The following TMEM178B variants were observed in gnomAD, a reference collection of about 807,000 sequenced individuals.
The protein encoded by TMEM178B is transmembrane protein 178B.
TMEM178B carries 5 observed loss-of-function variants against 31.0 expected under a neutral mutation model. The observed-to-expected ratio is 0.16, with a 90% CI of 0.08 to 0.34. The LOEUF (loss-of-function observed/expected upper bound fraction) is 0.34, where lower values mean the gene tolerates loss of function less well. TMEM178B is among the 10% of genes least tolerant of loss of function. The pLI, the probability that TMEM178B is intolerant of heterozygous loss-of-function variation, is 1.00. For synonymous variants in TMEM178B, 164 were observed against 164.0 expected, an observed-to-expected ratio of 1.00 and a Z score of 0.00; for missense variants, 275 against 400.3, an observed-to-expected ratio of 0.69 and a Z score of 2.67.
chr7:141,177,850 G>A (rs977477127), intron 1 of TMEM178B, among the ~76,000 whole-genome samples: 1 of 152,026 alleles, frequency 6.6e-6, no homozygotes, highest in Non-Finnish European at 1.5e-5. Flanking sequence ...CACATGAGAT[G>A]GATCTCCTGA....
At chr7:141,184,349 T>G (rs914311829) in intron 1 of TMEM178B, among the ~76,000 whole-genome samples, 2 of 152,190 alleles carry the variant, frequency 1.3e-5, no homozygotes, top group African/African-American at 4.8e-5. Flanking sequence ...CTGTTACTCT[T>G]TAGGGACCCT....
At chr7:141,449,859 T>C (rs1054909005) in intron 3 of TMEM178B, among the ~76,000 whole-genome samples, 1 of 152,140 alleles carries the variant, frequency 6.6e-6, no homozygotes, top group African/African-American at 2.4e-5. Flanking sequence ...GTCTGTACAA[T>C]ACAGGGGCCT....
At chr7:141,175,710 TTC>T (rs926146471) in intron 1 of TMEM178B, among the ~76,000 whole-genome samples, 1 of 152,224 alleles carries the variant, frequency 6.6e-6, no homozygotes, top group African/African-American at 2.4e-5. Flanking sequence ...AGGTATTTTA[TTC>T]TTTTTGTAGC....
rs373659289 is a variant in TMEM178B at position 141,344,576 on chromosome 7, CT to C, written c.497-93030del. The stretch of plus-strand genomic sequence containing the variant: ...CCCTCCCTCCATTCCTCCCTCCTCC[CT>C]TCCTTCCTTCCTTCCTTCCTTCCTT... On this transcript the variant is annotated intron_variant, in intron 2 of 3. Transcript: ENST00000565468. The surrounding 1 kb of genome is among the most constrained non-coding windows in gnomAD (Gnocchi z 4.1). Among the ~76,000 whole-genome samples, 45 of 15,480 alleles carry C rather than the reference CT, an allele frequency of 2.9e-3. 1 individual carries two copies. Among genetic ancestry groups the C allele is most frequent in the African/African-American group, 7.3e-3 (39 of 5,342 alleles). The allele number at this position is 15,480 out of a possible 152,430, so 10.2% of individuals were successfully genotyped here.
chr7:141,239,570 T>G (rs1797584077), intron 2 of TMEM178B, among the ~76,000 whole-genome samples: 1 of 152,056 alleles, frequency 6.6e-6, no homozygotes, highest in Non-Finnish European at 1.5e-5. Flanking sequence ...CAGCCTCGAG[T>G]CTCAGCAGGG....
chr7:141,104,911 G>A (rs1301818488), intron 1 of TMEM178B, among the ~76,000 whole-genome samples: 4 of 152,172 alleles, frequency 2.6e-5, no homozygotes, highest in Non-Finnish European at 5.9e-5. Context: ...AGGTCTCTGG[G>A]GGTAGGGGTT....
chr7:141,141,798 A>G (rs138138495), intron 1 of TMEM178B, among the ~76,000 whole-genome samples: 11 of 152,362 alleles, frequency 7.2e-5, no homozygotes, highest in Middle Eastern at 3.4e-3. Context: ...ATAAAGTATT[A>G]AAGAAAAGTT....
At chr7:141,155,950 A>C (rs1462710492) in intron 1 of TMEM178B, among the ~76,000 whole-genome samples, 1 of 152,128 alleles carries the variant, frequency 6.6e-6, no homozygotes, top group Non-Finnish European at 1.5e-5. Context: ...CTGTAATCTC[A>C]ACTACTTGAG....
At chr7:141,145,818 G>A (rs1231449090) in intron 1 of TMEM178B, among the ~76,000 whole-genome samples, 1 of 152,200 alleles carries the variant, frequency 6.6e-6, no homozygotes, top group African/African-American at 2.4e-5. Context: ...GTGCTGAGCT[G>A]CTTGTCTTGT....
the TMEM178B span, among the ~76,000 whole-genome samples, chr7:141,506,796 C>G: frequency 1.3e-5 from 2 of 152,170 alleles, no homozygotes; most frequent in African/African-American, 4.8e-5. Flanking sequence ...CAAGGCAAGT[C>G]CCTTCCGCCT....
chr7:141,086,980 A>T (rs1479798460), intron 1 of TMEM178B, among the ~76,000 whole-genome samples: 1 of 152,108 alleles, frequency 6.6e-6, no homozygotes, highest in African/African-American at 2.4e-5. Flanking sequence ...GAGCCACCGC[A>T]TCTGGCCTGA....
intron 2 of TMEM178B, among the ~76,000 whole-genome samples, chr7:141,349,111 T>C (rs1799668272): frequency 6.6e-6 from 1 of 152,332 alleles, no homozygotes; most frequent in East Asian, 1.9e-4. Flanking sequence ...ATTGATATTG[T>C]TATTGGTTCA....
chr7:141,087,124 A>G (rs1229524884), intron 1 of TMEM178B, among the ~76,000 whole-genome samples: 1 of 152,196 alleles, frequency 6.6e-6, no homozygotes, highest in African/African-American at 2.4e-5. Context: ...TGTGTTGTTC[A>G]GTGTGCAGGA....
intron 2 of TMEM178B, among the ~76,000 whole-genome samples, chr7:141,260,763 C>T (rs1260848192): frequency 6.6e-6 from 1 of 152,056 alleles, no homozygotes; most frequent in Non-Finnish European, 1.5e-5. Context: ...AATCTAGATA[C>T]AGAGTAGAAA....
chr7:141,075,741 T>C (rs1232357378), intron 1 of TMEM178B, among the ~76,000 whole-genome samples: 5 of 152,242 alleles, frequency 3.3e-5, no homozygotes, highest in South Asian at 2.1e-4. Context: ...TAAATGGTGA[T>C]GTCAAGGTGA....
rs749725709 is a variant in TMEM178B at position 141,373,324 on chromosome 7, A to G, written c.497-64284A>G. 3.3e-4 allele frequency among the ~76,000 whole-genome samples: 50 copies of G among 152,274 alleles called. 1 individual carries two copies. The highest frequency in any genetic ancestry group is 6.6e-4 in the Non-Finnish European group (45 of 68,026). ...AGATGTGATCCTCGGACCCAAATAA[A>G]CAACAACAACAGCAAACAACAACAA... On this transcript the variant is annotated intron_variant, in intron 2 of 3. Transcript: ENST00000565468.
the TMEM178B span, among the ~76,000 whole-genome samples, chr7:141,500,158 C>A: frequency 6.6e-6 from 1 of 152,076 alleles, no homozygotes; most frequent in Admixed American, 6.6e-5. Context: ...TACTATTTAA[C>A]CAAAATTTAT....
At chr7:141,256,086 C>CT (rs1212358491) in intron 2 of TMEM178B, among the ~76,000 whole-genome samples, 1 of 152,112 alleles carries the variant, frequency 6.6e-6, no homozygotes, top group Non-Finnish European at 1.5e-5. Context: ...ATCCCTCCCT[C>CT]TGTCTATCTA....
intron 2 of TMEM178B, among the ~76,000 whole-genome samples, chr7:141,247,796 G>T (rs1246711763): frequency 6.6e-6 from 1 of 152,102 alleles, no homozygotes; most frequent in African/African-American, 2.4e-5. Flanking sequence ...TTTTGTGTAT[G>T]TTCCAAGTAT....
Sources: gnomAD v4.1 joint callset for allele counts (sites outside exome capture counted in the v4.1 genomes callset) on GRCh38, gnomAD v4.1.1 for gene constraint, Gnocchi (gnomAD v3.1) non-coding constraint, MANE v1.5 for transcripts, NCBI Gene and HGNC (gene_info 2026-07-23, HGNC 2026-07-21) for gene names.